Variants in ABLIM3 observed in about 807,000 individuals in gnomAD.
ABLIM3 encodes actin-binding LIM protein 3.
A neutral mutation model predicts 109.5 loss-of-function variants in ABLIM3; 61 were observed. That is an observed-to-expected ratio of 0.56 (90% CI 0.45 to 0.69). The LOEUF (loss-of-function observed/expected upper bound fraction) is 0.69. Among genes scored for constraint, ABLIM3 ranks in the 30% least tolerant of loss-of-function variants. The probability of loss-of-function intolerance (pLI) is 0.00; values close to 1 mark genes in which losing one functional copy is unlikely to be tolerated. For synonymous variants in ABLIM3, 300 were observed against 324.8 expected (o/e 0.92, Z 0.82); for missense variants, 796 against 889.5 (o/e 0.89, Z 1.34).
chr5:149,230,577 C>G, intron 8 of ABLIM3, 72 bp from the exon 9 acceptor site: 3 of 1,523,566 alleles, frequency 2.0e-6, no homozygotes. Context: ...CGGAGTGAAT[C>G]AAGGTGGGAC....
intron 8 of ABLIM3, among the ~76,000 whole-genome samples, chr5:149,227,647 C>T (rs1045373391): frequency 5.9e-5 from 9 of 152,108 alleles, no homozygotes; most frequent in Non-Finnish European, 1.3e-4. Flanking sequence ...TGCAGGGGGG[C>T]CCAGGAATCT....
chr5:149,173,403 T>C lies in ABLIM3; in HGVS notation c.14-10049T>C, dbSNP rs1004886785. ...GCATTGTCTAGCCTTCATTTTGGCCTGACCTCAGGCAAGTGTCCCTGATCT... is the reference window on the plus strand; with the variant it reads ...GCATTGTCTAGCCTTCATTTTGGCCCGACCTCAGGCAAGTGTCCCTGATCT... On this transcript the variant is annotated intron_variant, in intron 2 of 23. Coordinates refer to ENST00000309868, the MANE Select transcript of ABLIM3 (RefSeq NM_014945.5). 2.0e-5 allele frequency among the ~76,000 whole-genome samples: 3 copies of C among 152,332 alleles called. No individual in the cohort carries two copies. In the South Asian group the frequency reaches 6.2e-4, roughly 32 times the overall value.
rs1187689961 is a variant in ABLIM3, at chr5:149,218,745, C to T, written c.757+1699C>T. ...TCAGTCACTACATGCTTCATAGGCACCCAGGATTTCCCCAACCCCACCCAC... is the reference window on the plus strand; with the variant it reads ...TCAGTCACTACATGCTTCATAGGCATCCAGGATTTCCCCAACCCCACCCAC... On this transcript the variant is annotated intron_variant, in intron 8 of 23. Transcript: ENST00000309868. The T allele has an allele frequency of 2.6e-5, 4 of 152,252 alleles. No homozygotes were observed. The East Asian group carries it at 7.7e-4, about 29-fold the overall frequency. The allele number at this position is 152,252 out of a possible 1,614,324, so 9.4% of individuals were successfully genotyped here. A position where few individuals can be genotyped will look rare whatever the true frequency, so the allele number is the denominator to read the frequency against.
chr5:149,151,567 T>G (rs1294962826), intron 2 of ABLIM3, among the ~76,000 whole-genome samples: 2 of 152,246 alleles, frequency 1.3e-5, no homozygotes, highest in Non-Finnish European at 2.9e-5. Flanking sequence ...TATCTAGTCT[T>G]GATGTTTAAA....
At chr5:149,213,803 C>T (rs868409287) in intron 7 of ABLIM3, among the ~76,000 whole-genome samples, 16 of 144,586 alleles carry the variant, frequency 1.1e-4, no homozygotes, top group African/African-American at 7.7e-5. Context: ...TTAGCATCTT[C>T]GACTTATTGA....
intron 8 of ABLIM3, among the ~76,000 whole-genome samples, chr5:149,222,294 A>G (rs1760731022): frequency 6.6e-6 from 1 of 152,158 alleles, no homozygotes; most frequent in Non-Finnish European, 1.5e-5. Context: ...TCCTCATTTT[A>G]GAGGATGAGA....
In ABLIM3 at chr5:149,259,608, C is replaced by T. The variant is rs1471846009; in HGVS notation, c.*1204C>T. 2.0e-6 allele frequency: 3 copies of T among 1,532,770 alleles called. No individual in the cohort carries two copies. Among genetic ancestry groups the T allele is most frequent in the East Asian group, 2.4e-5 (1 of 40,902 alleles). 94.9% of individuals were successfully genotyped at this position (1,532,770 alleles called of 1,614,324 possible). Reference sequence around the variant, plus strand: ...AAATGAAGTGTTGGCCAACACCGCTCATGGCCATCCTGGATTTTCCCAGTG... The same window carrying T: ...AAATGAAGTGTTGGCCAACACCGCTTATGGCCATCCTGGATTTTCCCAGTG... On this transcript the variant is annotated 3_prime_UTR_variant, in exon 24 of 24. Coordinates refer to ENST00000309868, the MANE Select transcript of ABLIM3 (RefSeq NM_014945.5).
intron 3 of ABLIM3, among the ~76,000 whole-genome samples, chr5:149,191,100 A>G (rs933720278): frequency 2.0e-5 from 3 of 152,194 alleles, no homozygotes; most frequent in Admixed American, 6.5e-5. Context: ...TACAATAGAC[A>G]TTAATCAAAG....
chr5:149,148,690 A>G (rs980929102), intron 2 of ABLIM3, among the ~76,000 whole-genome samples: 1 of 152,182 alleles, frequency 6.6e-6, no homozygotes, highest in Non-Finnish European at 1.5e-5. Flanking sequence ...GCAAGCCTGT[A>G]AGGCCCGATG....
intron 2 of ABLIM3, among the ~76,000 whole-genome samples, chr5:149,154,039 C>T (rs531659446): frequency 6.6e-6 from 1 of 152,350 alleles, no homozygotes; most frequent in South Asian, 2.1e-4. Context: ...GTTACTCTTG[C>T]CCTCACCAGG....
chr5:149,226,032 G>C (rs1761233257), intron 8 of ABLIM3, among the ~76,000 whole-genome samples: 1 of 113,292 alleles, frequency 8.8e-6, no homozygotes, highest in African/African-American at 3.3e-5. Context: ...ATATATCACA[G>C]TTTCTTTATC....
chr5:149,244,731 G>C, intron 15 of ABLIM3, 150 bp from the exon 16 acceptor site: 1 of 964,396 alleles, frequency 1.0e-6, no homozygotes, highest in Non-Finnish European at 1.6e-6. Flanking sequence ...TTCCAGCTCC[G>C]ATGCTCCATG....
At chr5:149,215,573 T>A (rs1759993222) in intron 7 of ABLIM3, among the ~76,000 whole-genome samples, 1 of 151,852 alleles carries the variant, frequency 6.6e-6, no homozygotes, top group African/African-American at 2.4e-5. Context: ...CTTCTTATTA[T>A]GCAATTATAA....
chr5:149,205,860 T>A (rs1291710930), intron 5 of ABLIM3, among the ~76,000 whole-genome samples: 1 of 152,080 alleles, frequency 6.6e-6, no homozygotes, highest in Non-Finnish European at 1.5e-5. Flanking sequence ...CCCCAGACCC[T>A]CCCCACAGCC....
chr5:149,159,032 C>T (rs1460053544), intron 2 of ABLIM3, among the ~76,000 whole-genome samples: 1 of 152,178 alleles, frequency 6.6e-6, no homozygotes, highest in Non-Finnish European at 1.5e-5. Context: ...AGATATTTCC[C>T]TGTGAACGAT....
At chr5:149,253,079 G>A (rs1459839846) in intron 23 of ABLIM3, among the ~76,000 whole-genome samples, 2 of 151,146 alleles carry the variant, frequency 1.3e-5, no homozygotes, top group South Asian at 4.2e-4. Context: ...TCCCCATGCT[G>A]TTCCCCAAAA....
Position 149,183,481 on chromosome 5 carries a change from C to A in ABLIM3, c.43C>A (p.Arg15=), listed in dbSNP as rs373795437. The A allele has an allele frequency of 5.5e-5, 87 of 1,579,672 alleles. 1 individual carries two copies. The Middle Eastern group carries it at 1.2e-3, about 21-fold the overall frequency. ...IPYQQNPYNP[R]GSSNVIQCYR... is the part of the protein sequence containing the mutation. ...TTATCAGCAGAATCCTTACAATCCACGGGGCAGCTCCAATGTCATCCAGTG... is the reference window on the plus strand; with the variant it reads ...TTATCAGCAGAATCCTTACAATCCAAGGGGCAGCTCCAATGTCATCCAGTG... The change falls in exon 3 of 24, where the codon CGG becomes AGG. Residue 15 remains arginine (R), a synonymous_variant. Transcript: ENST00000309868.
chr5:149,143,235 G>T (rs370863116), intron 2 of ABLIM3, among the ~76,000 whole-genome samples: 2 of 151,556 alleles, frequency 1.3e-5, no homozygotes, highest in Non-Finnish European at 2.9e-5. Flanking sequence ...TGGTGGTGTG[G>T]GCCTGTAATC....
At chr5:149,252,015 C>T (rs1056433009) in intron 21 of ABLIM3, among the ~76,000 whole-genome samples, 186 bp from the exon 22 acceptor site, 2 of 152,234 alleles carry the variant, frequency 1.3e-5, no homozygotes, top group African/African-American at 4.8e-5. Flanking sequence ...CAGCCTTCCA[C>T]TGTGCTCATA....
Sources: allele counts gnomAD v4.1 joint callset (sites outside exome capture counted in the v4.1 genomes callset), GRCh38; gene constraint gnomAD v4.1.1; transcripts MANE v1.5; gene names NCBI Gene and HGNC (gene_info 2026-07-23, HGNC 2026-07-21).